PLPPR1: variants seen among roughly 807,000 people sequenced by gnomAD.
PLPPR1 encodes the protein phospholipid phosphatase related 1.
PLPPR1 carries 10 observed loss-of-function variants against 33.1 expected under a neutral mutation model. The observed-to-expected ratio is 0.30, with a 90% CI of 0.19 to 0.51. The LOEUF (loss-of-function observed/expected upper bound fraction) is 0.51, where lower values mean the gene tolerates loss of function less well. Among genes scored for constraint, PLPPR1 ranks in the 20% least tolerant of loss-of-function variants. PLPPR1 has a pLI of 0.97. For synonymous variants in PLPPR1, 151 were observed against 151.0 expected (o/e 1.00, Z 0.00); for missense variants, 304 against 408.1 (o/e 0.74, Z 2.20).
rs189669840 is a variant in PLPPR1 at position 101,098,109 on chromosome 9, A to G, written c.-46+69007A>G. ...GAAGTCATGTGATTGGTTTGTGTTCAGAAATATCACTCTGGAGGCCGAGTG... is the reference window on the plus strand; with the variant it reads ...GAAGTCATGTGATTGGTTTGTGTTCGGAAATATCACTCTGGAGGCCGAGTG... On this transcript the variant is annotated intron_variant, in intron 1 of 7. Coordinates refer to ENST00000374874, the MANE Select transcript of PLPPR1 (RefSeq NM_207299.2). Among the ~76,000 whole-genome samples the G allele has an allele frequency of 9.9e-5, 15 of 152,276 alleles. No individual in the cohort carries two copies. The East Asian group carries it at 1.9e-3, about 20-fold the overall frequency.
intron 2 of PLPPR1, among the ~76,000 whole-genome samples, chr9:101,211,599 A>C (rs1440223322): frequency 6.6e-6 from 1 of 152,160 alleles, no homozygotes; most frequent in African/African-American, 2.4e-5. Context: ...AACAAATCTG[A>C]ATTCTACTAG....
intron 4 of PLPPR1, among the ~76,000 whole-genome samples, chr9:101,308,723 G>T (rs1828899904): frequency 6.6e-6 from 1 of 152,200 alleles, no homozygotes; most frequent in South Asian, 2.1e-4. Context: ...CTCCCAAGAT[G>T]ATTTACATTT....
chr9:101,237,509 A>G (rs1827326703), intron 2 of PLPPR1, among the ~76,000 whole-genome samples: 1 of 150,950 alleles, frequency 6.6e-6, no homozygotes, highest in African/African-American at 2.4e-5. Context: ...AAACACAGAT[A>G]CACATCTATA....
intron 2 of PLPPR1, among the ~76,000 whole-genome samples, chr9:101,206,926 T>TA (rs1826598858): frequency 6.6e-6 from 1 of 151,908 alleles, no homozygotes; most frequent in African/African-American, 2.4e-5. Flanking sequence ...AGCCAGGACT[T>TA]ATAGGGAATA....
chr9:101,141,620 G>A (rs1461768906), intron 1 of PLPPR1, among the ~76,000 whole-genome samples: 2 of 152,128 alleles, frequency 1.3e-5, no homozygotes, highest in Admixed American at 1.3e-4. Context: ...AACATTTATT[G>A]AACAAGGCTT....
chr9:101,129,429 G>T (rs1351342976), intron 1 of PLPPR1, among the ~76,000 whole-genome samples: 1 of 152,134 alleles, frequency 6.6e-6, no homozygotes, highest in Non-Finnish European at 1.5e-5. Context: ...GTTCATAGTA[G>T]TTGTATTTGT....
chr9:101,272,029 T>C (rs1828110105), intron 3 of PLPPR1, among the ~76,000 whole-genome samples: 1 of 144,622 alleles, frequency 6.9e-6, no homozygotes. Context: ...CAAATACAGT[T>C]AAGAAAACAT....
chr9:101,241,848 T>C (rs2118848510), intron 2 of PLPPR1, among the ~76,000 whole-genome samples: 1 of 152,204 alleles, frequency 6.6e-6, no homozygotes, highest in Non-Finnish European at 1.5e-5. Flanking sequence ...TCAACATTTG[T>C]AGTGGTTGCT....
chr9:101,258,842 TATATTTATCCC>T (rs1827847134), intron 2 of PLPPR1, among the ~76,000 whole-genome samples: 1 of 152,180 alleles, frequency 6.6e-6, no homozygotes. Flanking sequence ...TGTAGGATTT[TATATTTATCCC>T]AAATGTCAGA....
intron 1 of PLPPR1, among the ~76,000 whole-genome samples, chr9:101,062,580 C>T (rs890032860): frequency 1.3e-5 from 2 of 152,002 alleles, no homozygotes; most frequent in Non-Finnish European, 2.9e-5. Context: ...ATTTAAACTG[C>T]TACATTTAGG....
chr9:101,298,992 C>A (rs1352250232), intron 4 of PLPPR1, among the ~76,000 whole-genome samples: 2 of 152,128 alleles, frequency 1.3e-5, no homozygotes, highest in African/African-American at 4.8e-5. Flanking sequence ...GGGAACCAGG[C>A]CAGCTCCATG....
At chr9:101,081,677 G>A (rs901675154) in intron 1 of PLPPR1, among the ~76,000 whole-genome samples, 1 of 152,146 alleles carries the variant, frequency 6.6e-6, no homozygotes. Context: ...TTTTCTCTGT[G>A]TTACATATCG....
intron 4 of PLPPR1, among the ~76,000 whole-genome samples, chr9:101,289,272 G>A (rs536708950): frequency 2.0e-5 from 3 of 152,120 alleles, no homozygotes; most frequent in East Asian, 1.9e-4. Context: ...TAGTTGCCTC[G>A]TCTTCTAGGC....
chr9:101,181,604 A>ATGTG (rs1455050013), intron 1 of PLPPR1, among the ~76,000 whole-genome samples: 13 of 113,812 alleles, frequency 1.1e-4, no homozygotes, highest in African/African-American at 4.8e-4. Context: ...AATTGGGTAT[A>ATGTG]TGTATGTGTG....
intron 3 of PLPPR1, among the ~76,000 whole-genome samples, chr9:101,275,774 G>C (rs1418774755): frequency 1.3e-5 from 2 of 152,188 alleles, no homozygotes; most frequent in East Asian, 3.9e-4. Flanking sequence ...ACAATGAAGT[G>C]ACAGGGGAGT....
chr9:101,094,450 C>A (rs544808606), intron 1 of PLPPR1, among the ~76,000 whole-genome samples: 33 of 152,184 alleles, frequency 2.2e-4, no homozygotes, highest in African/African-American at 7.9e-4. Flanking sequence ...TGGAGCACAC[C>A]CACCTCACCA....
intron 2 of PLPPR1, among the ~76,000 whole-genome samples, chr9:101,253,871 T>C (rs1161870090): frequency 1.3e-5 from 2 of 152,142 alleles, no homozygotes; most frequent in African/African-American, 4.8e-5. Flanking sequence ...AATATGTATA[T>C]ACCCTGAAAA....
chr9:101,188,197 A>G (rs1377657955), intron 2 of PLPPR1, among the ~76,000 whole-genome samples: 3 of 152,040 alleles, frequency 2.0e-5, no homozygotes, highest in African/African-American at 7.2e-5. Flanking sequence ...ACTGTCATAA[A>G]TGTTTTTGCA....
chr9:101,299,750 A>G (rs936909658), intron 4 of PLPPR1, among the ~76,000 whole-genome samples: 1 of 152,178 alleles, frequency 6.6e-6, no homozygotes, highest in African/African-American at 2.4e-5. Flanking sequence ...AGTGAACTTA[A>G]TTGCTGTAAA....
Sources: gnomAD v4.1 joint callset for allele counts (sites outside exome capture counted in the v4.1 genomes callset) on GRCh38, gnomAD v4.1.1 for gene constraint, MANE v1.5 for transcripts, NCBI Gene and HGNC (gene_info 2026-07-23, HGNC 2026-07-21) for gene names.